The following PCDH11Y variants were observed in gnomAD, a reference collection of about 807,000 sequenced individuals.
PCDH11Y encodes protocadherin-11 Y-linked.
For synonymous variants in PCDH11Y, 9 were observed against 83.6 expected (o/e 0.11, Z 4.87); for missense variants, 12 against 224.8 (o/e 0.05, Z 6.05).
intron 2 of PCDH11Y, among the ~76,000 whole-genome samples, chrY:5,317,080 C>T: frequency 6.1e-5 from 2 of 32,568 alleles, no homozygotes; most frequent in Non-Finnish European, 1.5e-4. Flanking sequence ...TTTAGGGAGA[C>T]ATGAGATACC....
chrY:5,659,798 A>G (rs2053539677), intron 4 of PCDH11Y, among the ~76,000 whole-genome samples: 1 of 24,474 alleles, frequency 4.1e-5, no homozygotes, highest in South Asian at 1.1e-3. Flanking sequence ...CTAGTGTGCA[A>G]AACAAAGTCT....
intron 2 of PCDH11Y, among the ~76,000 whole-genome samples, chrY:5,161,547 C>T: frequency 9.2e-5 from 3 of 32,449 alleles, no homozygotes; most frequent in Non-Finnish European, 1.5e-4. Flanking sequence ...ACTTTCATAC[C>T]ATCTTTCCAA....
intron 2 of PCDH11Y, among the ~76,000 whole-genome samples, chrY:5,368,792 C>T: frequency 3.0e-5 from 1 of 33,831 alleles, no homozygotes; most frequent in Non-Finnish European, 7.3e-5. Flanking sequence ...CTGTACCTTG[C>T]AAAGCCACAG....
intron 2 of PCDH11Y, among the ~76,000 whole-genome samples, chrY:5,484,541 C>T: frequency 3.0e-5 from 1 of 33,271 alleles, no homozygotes; most frequent in Non-Finnish European, 7.4e-5. Context: ...ATCATATATT[C>T]ATACGTTGAT....
At chrY:5,558,971 T>C in intron 3 of PCDH11Y, among the ~76,000 whole-genome samples, 2 of 32,693 alleles carry the variant, frequency 6.1e-5, no homozygotes, top group African/African-American at 2.4e-4. Flanking sequence ...TGAAAAAATA[T>C]ATATGGGATA....
At chrY:5,612,508 G>A in intron 4 of PCDH11Y, among the ~76,000 whole-genome samples, 1 of 31,882 alleles carries the variant, frequency 3.1e-5, no homozygotes, top group African/African-American at 1.2e-4. Context: ...AGATGAATAA[G>A]CCCTAGAGAT....
chrY:5,736,737 C>G, intron 4 of PCDH11Y, among the ~76,000 whole-genome samples: 4 of 32,289 alleles, frequency 1.2e-4, no homozygotes, highest in African/African-American at 3.6e-4. Flanking sequence ...TAAAGAATAC[C>G]GAAATCACTT....
At chrY:5,534,352 T>G in intron 3 of PCDH11Y, among the ~76,000 whole-genome samples, 1 of 33,789 alleles carries the variant, frequency 3.0e-5, no homozygotes, top group Non-Finnish European at 7.4e-5. Flanking sequence ...ATACAGATTA[T>G]TTTGTCACCC....
chrY:5,477,985 A>AT (rs2053321451), intron 2 of PCDH11Y, among the ~76,000 whole-genome samples: 2 of 32,084 alleles, frequency 6.2e-5, no homozygotes, highest in African/African-American at 1.2e-4. Flanking sequence ...GGATTCACTG[A>AT]TTTTTTTGAA....
chrY:5,023,312 G>C, intron 1 of PCDH11Y, among the ~76,000 whole-genome samples: 3 of 33,574 alleles, frequency 8.9e-5, no homozygotes, highest in African/African-American at 3.5e-4. Context: ...AGTCTGAAAG[G>C]CCAACATATA....
chrY:5,349,052 T>A (rs2053154990), intron 2 of PCDH11Y, among the ~76,000 whole-genome samples: 1 of 31,769 alleles, frequency 3.1e-5, no homozygotes. Context: ...CGCTTGAACC[T>A]GGGAGATGGA....
chrY:5,406,359 C>G, intron 2 of PCDH11Y, among the ~76,000 whole-genome samples: 1 of 32,841 alleles, frequency 3.0e-5, no homozygotes, highest in Non-Finnish European at 7.5e-5. Flanking sequence ...ATACTGGGTA[C>G]TATATGTAAT....
chrY:5,671,610 T>C, intron 4 of PCDH11Y, among the ~76,000 whole-genome samples: 1 of 32,591 alleles, frequency 3.1e-5, no homozygotes, highest in African/African-American at 1.2e-4. Flanking sequence ...TAATTTTTTA[T>C]CCTGCAACTT....
intron 4 of PCDH11Y, among the ~76,000 whole-genome samples, chrY:5,637,843 C>T (rs2053519423): frequency 4.0e-5 from 1 of 25,253 alleles, no homozygotes; most frequent in African/African-American, 1.4e-4. Context: ...AGACCTTCTG[C>T]GAGCATGCTA....
At chrY:5,699,918 C>T in intron 4 of PCDH11Y, among the ~76,000 whole-genome samples, 6 of 33,105 alleles carry the variant, frequency 1.8e-4, no homozygotes, top group African/African-American at 7.1e-4. Flanking sequence ...CTCACTGCCT[C>T]TCTTGGGTGG....
intron 4 of PCDH11Y, among the ~76,000 whole-genome samples, chrY:5,615,663 G>GT (rs2053492995): frequency 3.0e-5 from 1 of 33,229 alleles, no homozygotes; most frequent in East Asian, 7.9e-4. Flanking sequence ...TAACTCTTAG[G>GT]TTTTAGAGCA....
chrY:5,269,798 A>G, intron 2 of PCDH11Y, among the ~76,000 whole-genome samples: 16 of 31,560 alleles, frequency 5.1e-4, no homozygotes, highest in Admixed American at 4.8e-3. Flanking sequence ...GCCCTTAGGG[A>G]GCTTGTAGTC....
chrY:5,422,329 T>A (rs2124679617), intron 2 of PCDH11Y, among the ~76,000 whole-genome samples: 1 of 23,107 alleles, frequency 4.3e-5, no homozygotes, highest in African/African-American at 1.7e-4. Context: ...ACTGTGTTTA[T>A]GAACTGAGTG....
rs2053194368 is a variant in PCDH11Y, at chrY:5,373,738, GTA to G, written c.3130-127312_3130-127311del. Among the ~76,000 whole-genome samples, 11 of 22,849 alleles carry G rather than the reference GTA, an allele frequency of 4.8e-4. No individual in the cohort carries two copies. The East Asian group carries it at 6.1e-3, about 13-fold the overall frequency. 61.3% of individuals were successfully genotyped at this position (22,849 alleles called of 37,273 possible). A position where few individuals can be genotyped will look rare whatever the true frequency, so the allele number is the denominator to read the frequency against. ...TATGTTTATATATATATATATGTGT[GTA>G]TATATACACACACACACACACACAC... On this transcript the variant is annotated intron_variant, in intron 2 of 4. Coordinates refer to the PCDH11Y transcript ENST00000400457.
Sources: gnomAD v4.1 joint callset for allele counts (sites outside exome capture counted in the v4.1 genomes callset) on GRCh38, gnomAD v4.1.1 for gene constraint, MANE v1.5 for transcripts, NCBI Gene and HGNC (gene_info 2026-07-23, HGNC 2026-07-21) for gene names.